Variants in ATG5 observed in about 807,000 individuals in gnomAD.
The protein encoded by ATG5 is autophagy related 5.
In ATG5, 14 loss-of-function variants were observed where a neutral mutation model predicts 36.5. The ratio of observed to expected loss-of-function variants is 0.38; its 90% CI spans 0.25 to 0.60. The LOEUF (loss-of-function observed/expected upper bound fraction) is 0.60, where lower values mean the gene tolerates loss of function less well. Among genes scored for constraint, ATG5 ranks in the 20% least tolerant of loss-of-function variants. The pLI, the probability that ATG5 is intolerant of heterozygous loss-of-function variation, is 0.60. For synonymous variants in ATG5, 95 were observed against 101.5 expected (o/e 0.94, Z 0.38); for missense variants, 195 against 326.7 (o/e 0.60, Z 3.11).
intron 3 of ATG5, among the ~76,000 whole-genome samples, chr6:106,307,083 C>G (rs1770474287): frequency 6.6e-6 from 1 of 152,182 alleles, no homozygotes; most frequent in South Asian, 2.1e-4. Context: ...TATGAAAAAT[C>G]TACTCATTCT....
chr6:106,274,921 T>A (rs1320974872), intron 5 of ATG5, among the ~76,000 whole-genome samples: 1 of 151,978 alleles, frequency 6.6e-6, no homozygotes, highest in Non-Finnish European at 1.5e-5. Context: ...GAGAAAAAAA[T>A]GCCTAAATGG....
intron 7 of ATG5, chr6:106,201,660 T>A (rs1165184768): frequency 1.2e-5 from 2 of 164,094 alleles, no homozygotes; most frequent in African/African-American, 4.8e-5. Context: ...TTAAAGTTAA[T>A]AAACAAAATG....
chr6:106,211,368 C>G lies in ATG5; in HGVS notation c.574-9279G>C, dbSNP rs545214151. On this transcript the variant is annotated intron_variant, in intron 6 of 7. Transcript: ENST00000369076. ...AGGTGCTGGGGGAGTCTCCTACGGA[C>G]ACAGCAGGCAGAATGTAACAATGAC... Among the ~76,000 whole-genome samples the G allele has an allele frequency of 2.0e-5, 3 of 152,256 alleles. No homozygotes were observed. The South Asian group carries it at 6.2e-4, about 32-fold the overall frequency.
intron 3 of ATG5, among the ~76,000 whole-genome samples, chr6:106,295,365 C>A (rs1421934536): frequency 6.6e-6 from 1 of 152,102 alleles, no homozygotes; most frequent in African/African-American, 2.4e-5. Context: ...CTAAACAGCA[C>A]TGAAAACACA....
intron 1 of ATG5, among the ~76,000 whole-genome samples, chr6:106,322,270 T>C (rs957719047): frequency 6.6e-6 from 1 of 152,168 alleles, no homozygotes; most frequent in Non-Finnish European, 1.5e-5. Flanking sequence ...GTGACAACAA[T>C]ATAATGCATA....
intron 5 of ATG5, among the ~76,000 whole-genome samples, chr6:106,260,415 TA>T (rs1778974332): frequency 6.6e-6 from 1 of 152,158 alleles, no homozygotes; most frequent in South Asian, 2.1e-4. Flanking sequence ...AGAAATACAC[TA>T]AATGTAAAAG....
At chr6:106,248,763 AC>A (rs1778449140) in intron 5 of ATG5, among the ~76,000 whole-genome samples, 1 of 152,054 alleles carries the variant, frequency 6.6e-6, no homozygotes, top group African/African-American at 2.4e-5. Context: ...ACATGGAGAA[AC>A]CCCGTCTCTA....
Position 106,256,062 on chromosome 6 carries a change from G to A in ATG5, c.479-7818C>T, listed in dbSNP as rs190364929. 4.6e-5 allele frequency among the ~76,000 whole-genome samples: 7 copies of A among 152,266 alleles called. No homozygotes were observed. The East Asian group carries it at 1.3e-3, about 29-fold the overall frequency. ...CATTTTTACTTCACTCAGAAAGCAA[G>A]CCAAAGTCATAAGGTAAAAACAAAA... is the stretch of plus-strand genomic sequence containing the variant. On this transcript the variant is annotated intron_variant, in intron 5 of 7. Transcript: ENST00000369076.
intron 3 of ATG5, among the ~76,000 whole-genome samples, chr6:106,304,665 T>G (rs1770363514): frequency 6.6e-6 from 1 of 151,996 alleles, no homozygotes; most frequent in Non-Finnish European, 1.5e-5. Flanking sequence ...TTACTGTGAG[T>G]TGGGGGAAGG....
intron 2 of ATG5, among the ~76,000 whole-genome samples, chr6:106,315,709 G>C (rs1012371705): frequency 1.3e-5 from 2 of 151,980 alleles, no homozygotes; most frequent in South Asian, 2.1e-4. Context: ...AATACAATCT[G>C]AACCTATTAT....
chr6:106,263,229 G>A (rs1779096946), intron 5 of ATG5, among the ~76,000 whole-genome samples: 1 of 152,196 alleles, frequency 6.6e-6, no homozygotes. Context: ...AGTCTGGGAG[G>A]TCTGGACTGA....
chr6:106,214,121 A>G (rs750310003), intron 6 of ATG5, among the ~76,000 whole-genome samples: 11 of 152,240 alleles, frequency 7.2e-5, no homozygotes, highest in Non-Finnish European at 1.5e-4. Flanking sequence ...TGTCCCATGC[A>G]TATTTGGCTT....
chr6:106,306,717 C>G (rs1191201303), intron 3 of ATG5, among the ~76,000 whole-genome samples: 1 of 152,200 alleles, frequency 6.6e-6, no homozygotes. Flanking sequence ...CAAGTGCATA[C>G]ATACATCCCA....
intron 4 of ATG5, among the ~76,000 whole-genome samples, chr6:106,288,035 G>A (rs1433860817): frequency 3.3e-5 from 5 of 150,994 alleles, no homozygotes; most frequent in Non-Finnish European, 5.9e-5. Flanking sequence ...CAGTGGCATG[G>A]TCTCGGCTCA....
At chr6:106,247,078 C>T (rs1301438254) in intron 6 of ATG5, among the ~76,000 whole-genome samples, 1 of 152,128 alleles carries the variant, frequency 6.6e-6, no homozygotes, top group Non-Finnish European at 1.5e-5. Context: ...TTGCTTTCCT[C>T]TCTGAACACA....
intron 7 of ATG5, among the ~76,000 whole-genome samples, chr6:106,192,937 C>T (rs1776023140): frequency 6.6e-6 from 1 of 152,190 alleles, no homozygotes. Flanking sequence ...GAAGTGCATA[C>T]ATCATGCTGA....
At chr6:106,262,340 A>T (rs1373071566) in intron 5 of ATG5, among the ~76,000 whole-genome samples, 2 of 152,206 alleles carry the variant, frequency 1.3e-5, no homozygotes, top group African/African-American at 4.8e-5. Context: ...CTGGGATTAC[A>T]GGCATGAGCC....
At chr6:106,276,260 C>G (rs12194533) in intron 5 of ATG5, among the ~76,000 whole-genome samples, 5 of 152,066 alleles carry the variant, frequency 3.3e-5, no homozygotes, top group South Asian at 2.1e-4. Context: ...GTCAGGAGAT[C>G]GAGACCATCC....
chr6:106,201,703 T>A (rs919155265), intron 7 of ATG5: 1 of 204,386 alleles, frequency 4.9e-6, no homozygotes. Context: ...CAGAACTGAA[T>A]CCATAAATTA....
Sources: gnomAD v4.1 joint callset for allele counts (sites outside exome capture counted in the v4.1 genomes callset) on GRCh38, gnomAD v4.1.1 for gene constraint, MANE v1.5 for transcripts, NCBI Gene and HGNC (gene_info 2026-07-23, HGNC 2026-07-21) for gene names.